RBL1: variants seen among roughly 807,000 people sequenced by gnomAD.
RBL1 encodes RB transcriptional corepressor like 1, also known as retinoblastoma-like protein 1.
In RBL1, 82 loss-of-function variants were observed where a neutral mutation model predicts 123.0. The observed-to-expected ratio is 0.67, with a 90% CI of 0.56 to 0.80. RBL1 has a LOEUF of 0.80. Among genes scored for constraint, RBL1 ranks in the 30% least tolerant of loss-of-function variants. The pLI is 0.00. For missense variants in RBL1, 1,171 were observed against 1,299.6 expected (o/e 0.90, Z 1.52); for synonymous variants, 405 against 441.3 (o/e 0.92, Z 1.03).
At chr20:37,017,546 T>A (rs529180073) in intron 19 of RBL1, among the ~76,000 whole-genome samples, 1 of 151,966 alleles carries the variant, frequency 6.6e-6, no homozygotes, top group South Asian at 2.1e-4. Context: ...AGCATGATGG[T>A]GGCAAGAGGG....
chr20:37,095,648 G>T (rs2065723505), intron 1 of RBL1, 125 bp downstream of exon 1: 1 of 821,186 alleles, frequency 1.2e-6, no homozygotes, highest in Non-Finnish European at 1.8e-6. Flanking sequence ...GCCCCTCGGC[G>T]CTTGGCTGCG....
chr20:37,022,937 TAAATA>T, intron 16 of RBL1, 111 bp from the exon 17 acceptor site: 2 of 817,642 alleles, frequency 2.4e-6, no homozygotes, highest in Non-Finnish European at 3.7e-6. Context: ...TATACTAAAT[TAAATA>T]AAATTTCTGT....
intron 9 of RBL1, among the ~76,000 whole-genome samples, chr20:37,060,152 A>G (rs1016904368): frequency 3.3e-5 from 5 of 151,774 alleles, no homozygotes; most frequent in African/African-American, 7.3e-5. Context: ...AGCCTGGGCA[A>G]CAAGAGTGAA....
intron 2 of RBL1, among the ~76,000 whole-genome samples, chr20:37,071,538 C>T (rs1443008746): frequency 3.3e-5 from 5 of 152,090 alleles, no homozygotes; most frequent in Admixed American, 2.6e-4. Context: ...TGACTGTGGG[C>T]CCAGCTACTC....
Position 37,040,175 on chromosome 20 carries a change from A to T in RBL1, c.1881T>A (p.Thr627=). 1 of 1,613,952 alleles carries T rather than the reference A, an allele frequency of 6.2e-7. No homozygotes were observed. Among genetic ancestry groups the T allele is most frequent in the Non-Finnish European group, 8.5e-7 (1 of 1,179,966 alleles). The part of the protein sequence containing the change: ...LMHPRVKEVR[T]DSGSLRRDMQ... ...TACCTCTTCGAAGACTCCCACTGTC[A>T]GTTCGAACTTCCTTGACTCTTGGGT... The change falls in exon 14 of 22, where the codon ACT becomes ACA. Residue 627 remains threonine (T), a synonymous_variant. Transcript: ENST00000373664.
rs2065725162 is a variant in RBL1 at position 37,095,711 on chromosome 20, G to C, written c.156+62C>G. ...CCACCACCCCATAGGCCGAGGAAGG[G>C]GCGGGGCAGGGGTGGGGCCTGGCGA... On this transcript the variant is annotated intron_variant, in intron 1 of 21. Coordinates refer to ENST00000373664, the MANE Select transcript of RBL1 (RefSeq NM_002895.5). 5 of 1,431,814 alleles carry C rather than the reference G, an allele frequency of 3.5e-6. No homozygotes were observed. In the Admixed American group the frequency reaches 6.9e-5, roughly 20 times the overall value. The allele number at this position is 1,431,814 out of a possible 1,614,324, so 88.7% of individuals were successfully genotyped here.
chr20:37,000,257 A>C (rs1291136108), intron 21 of RBL1, among the ~76,000 whole-genome samples: 1 of 141,500 alleles, frequency 7.1e-6, no homozygotes, highest in African/African-American at 2.7e-5. Context: ...TCCGCCCGGC[A>C]GCCACTCCGT....
At chr20:37,004,592 A>C (rs566990122) in intron 20 of RBL1, among the ~76,000 whole-genome samples, 9 of 149,626 alleles carry the variant, frequency 6.0e-5, no homozygotes, top group African/African-American at 2.2e-4. Flanking sequence ...ATATGCCTGT[A>C]ATCCGAGCTA....
At position 36,998,849 on chromosome 20, in the gene RBL1, T is replaced by G; in HGVS notation, c.3117A>C (p.Ala1039=). ...GACAGACGCGTTTGGCAGGGGATTCTGCATCACTATCGATGGCTATTACTC... is the reference window on the plus strand; with the variant it reads ...GACAGACGCGTTTGGCAGGGGATTCGGCATCACTATCGATGGCTATTACTC... The part of the protein sequence containing the change: ...KKRVIAIDSD[A]ESPAKRVCQE... Residue 1039 remains alanine (A), a synonymous_variant, in exon 22 of 22, where the codon GCA becomes GCC. Coordinates refer to ENST00000373664, the MANE Select transcript of RBL1 (RefSeq NM_002895.5). 6.2e-7 allele frequency: 1 copy of G among 1,613,398 alleles called. No homozygotes were observed.
intron 2 of RBL1, among the ~76,000 whole-genome samples, chr20:37,070,336 A>T (rs2065264954): frequency 6.6e-6 from 1 of 152,198 alleles, no homozygotes; most frequent in Non-Finnish European, 1.5e-5. Flanking sequence ...ACACCGCGGA[A>T]GGCCGCAGGG....
intron 1 of RBL1, among the ~76,000 whole-genome samples, chr20:37,091,559 G>A (rs1352514486): frequency 6.6e-6 from 1 of 151,746 alleles, no homozygotes; most frequent in Non-Finnish European, 1.5e-5. Flanking sequence ...AGAGCTACCT[G>A]GGGAACTGAG....
chr20:37,087,654 A>G (rs1600612128), intron 2 of RBL1, among the ~76,000 whole-genome samples: 1 of 152,198 alleles, frequency 6.6e-6, no homozygotes, highest in Non-Finnish European at 1.5e-5. Flanking sequence ...CAAAAATGGT[A>G]ATGTCATAAA....
intron 21 of RBL1, among the ~76,000 whole-genome samples, chr20:36,999,637 A>T (rs28591263): frequency 6.8e-6 from 1 of 147,220 alleles, no homozygotes; most frequent in African/African-American, 2.5e-5. Context: ...GATTGCAGGC[A>T]CGCGCCGCCA....
chr20:37,037,002 T>A (rs1402664132), intron 14 of RBL1, among the ~76,000 whole-genome samples: 1 of 152,154 alleles, frequency 6.6e-6, no homozygotes, highest in Non-Finnish European at 1.5e-5. Flanking sequence ...TCTGTATTAG[T>A]GAGGTGATTG....
chr20:37,070,088 A>G (rs1228919428), intron 2 of RBL1, among the ~76,000 whole-genome samples: 1 of 152,230 alleles, frequency 6.6e-6, no homozygotes, highest in Non-Finnish European at 1.5e-5. Flanking sequence ...TGTAGAAAGA[A>G]GTAGACATGG....
At chr20:37,075,212 T>C (rs1304642406) in intron 2 of RBL1, among the ~76,000 whole-genome samples, 2 of 151,914 alleles carry the variant, frequency 1.3e-5, no homozygotes, top group Admixed American at 6.6e-5. Flanking sequence ...GGTGTGGGGG[T>C]TGGAATACGA....
chr20:37,056,251 C>A lies in RBL1; in HGVS notation c.1258G>T (p.Val420Leu). ...ATAATGTTTTCCACAGGATTACGCA[C>A]ACAAGATCTACAAAATACAAGAGGA... The part of the protein sequence containing the change: ...DQLINIFESC[V>L]RNPVENIMKI... The change falls in exon 10 of 22, where the codon GTG (valine) becomes TTG (leucine). Residue 420 changes from valine (V) to leucine (L), a missense_variant. Transcript: ENST00000373664. 6.3e-7 allele frequency: 1 copy of A among 1,597,726 alleles called. No individual in the cohort carries two copies. The highest frequency in any genetic ancestry group is 8.5e-7 in the Non-Finnish European group (1 of 1,175,078).
At chr20:37,089,232 T>A in intron 1 of RBL1, 110 bp from the exon 2 acceptor site, 3 of 1,103,992 alleles carry the variant, frequency 2.7e-6, no homozygotes, top group Non-Finnish European at 3.7e-6. Flanking sequence ...CTTATGTAGA[T>A]AAAGGGCCAG....
At chr20:37,075,415 TTACAG>T (rs2146316971) in intron 2 of RBL1, among the ~76,000 whole-genome samples, 1 of 152,166 alleles carries the variant, frequency 6.6e-6, no homozygotes, top group African/African-American at 2.4e-5. Context: ...TCCAAAGAGG[TTACAG>T]TAAATACATG....
Sources: allele counts gnomAD v4.1 joint callset (sites outside exome capture counted in the v4.1 genomes callset), GRCh38; gene constraint gnomAD v4.1.1; transcripts MANE v1.5; gene names NCBI Gene and HGNC (gene_info 2026-07-23, HGNC 2026-07-21).